SS18: variants seen among roughly 807,000 people sequenced by gnomAD.
SS18 encodes the protein protein SSXT.
A neutral mutation model predicts 72.5 loss-of-function variants in SS18; 28 were observed. That is an observed-to-expected ratio of 0.39 (90% CI 0.29 to 0.53). SS18 has a LOEUF of 0.53. Ranked by LOEUF, SS18 falls within the 20% of genes least tolerant of loss-of-function variation. The probability of loss-of-function intolerance (pLI) is 0.76; values close to 1 mark genes in which losing one functional copy is unlikely to be tolerated. For synonymous variants in SS18, 172 were observed against 164.2 expected (o/e 1.05, Z -0.37); for missense variants, 518 against 535.3 (o/e 0.97, Z 0.32).
At chr18:26,033,059 C>A (rs943297385) in intron 9 of SS18, among the ~76,000 whole-genome samples, 6 of 152,096 alleles carry the variant, frequency 3.9e-5, no homozygotes, top group African/African-American at 1.2e-4. Flanking sequence ...AAAACAGAAA[C>A]TAAAAACATG....
intron 3 of SS18, among the ~76,000 whole-genome samples, chr18:26,077,784 C>T (rs2054443587): frequency 6.6e-6 from 1 of 152,060 alleles, no homozygotes; most frequent in South Asian, 2.1e-4. Context: ...ATGTCTGGGA[C>T]TTGCTGTGAA....
intron 7 of SS18, among the ~76,000 whole-genome samples, chr18:26,037,963 C>T (rs950450438): frequency 6.6e-6 from 1 of 152,026 alleles, no homozygotes; most frequent in Non-Finnish European, 1.5e-5. Context: ...AAACAAAAAA[C>T]CCTAACTAAA....
chr18:26,060,201 A>G (rs979926286), intron 3 of SS18, among the ~76,000 whole-genome samples: 1 of 152,272 alleles, frequency 6.6e-6, no homozygotes, highest in African/African-American at 2.4e-5. Flanking sequence ...ATACAACGGA[A>G]TATTATTCAG....
intron 10 of SS18, chr18:26,023,736 T>TATGCC: frequency 2.3e-6 from 1 of 443,594 alleles, no homozygotes; most frequent in South Asian, 2.2e-5. Flanking sequence ...TCAAGAAATG[T>TATGCC]TAACATCCTT....
At chr18:26,061,893 T>C (rs1406535263) in intron 3 of SS18, among the ~76,000 whole-genome samples, 2 of 151,988 alleles carry the variant, frequency 1.3e-5, no homozygotes, top group Non-Finnish European at 2.9e-5. Flanking sequence ...ATATTAACAT[T>C]TAAAATAACA....
At chr18:26,059,522 C>G (rs1204236860) in intron 3 of SS18, among the ~76,000 whole-genome samples, 1 of 152,204 alleles carries the variant, frequency 6.6e-6, no homozygotes, top group East Asian at 1.9e-4. Context: ...CCAGCTGCTG[C>G]TCACTGATAT....
intron 1 of SS18, 42 bp downstream of exon 1, chr18:26,090,459 A>C (rs1311441791): frequency 1.2e-5 from 19 of 1,542,770 alleles, no homozygotes; most frequent in Non-Finnish European, 1.7e-5. Flanking sequence ...TCTCTCCCAG[A>C]GGCGGTAAGG....
chr18:26,090,538 C>T lies in SS18; in HGVS notation c.32G>A (p.Arg11Gln), dbSNP rs1002848570. The part of the protein sequence containing the change: MSVAFAAPRQ[R>Q]GKGEITPAAI... ...AGCGGGAGTGATCTCCCCCTTGCCTCGCTGCCTCGGGGCCGCGAAAGCCAC... is the reference window on the plus strand; with the variant it reads ...AGCGGGAGTGATCTCCCCCTTGCCTTGCTGCCTCGGGGCCGCGAAAGCCAC... Residue 11 changes from arginine to glutamine, a missense_variant, in exon 1 of 11, where the codon CGA becomes CAA. Transcript: ENST00000415083. The T allele has an allele frequency of 1.3e-6, 2 of 1,588,830 alleles. No individual in the cohort carries two copies.
chr18:26,050,769 C>G (rs1018166499), intron 5 of SS18, among the ~76,000 whole-genome samples: 1 of 151,776 alleles, frequency 6.6e-6, no homozygotes, highest in Non-Finnish European at 1.5e-5. Flanking sequence ...ATTAGCCGGG[C>G]GTAGTGGTGG....
intron 7 of SS18, among the ~76,000 whole-genome samples, chr18:26,037,496 T>C (rs1237788731): frequency 6.6e-6 from 1 of 152,108 alleles, no homozygotes; most frequent in Non-Finnish European, 1.5e-5. Context: ...CATGTTTACA[T>C]ATGAAAAGAA....
At chr18:26,048,521 C>G (rs9953661) in intron 5 of SS18, among the ~76,000 whole-genome samples, 29,341 of 152,080 alleles carry the variant, frequency 0.19, 5,825 homozygotes, top group African/African-American at 0.5. Context: ...ACCTCCTTTT[C>G]GTCTATCTCT....
chr18:26,088,386 T>G (rs1242933398), intron 1 of SS18, among the ~76,000 whole-genome samples: 2 of 152,170 alleles, frequency 1.3e-5, no homozygotes, highest in Non-Finnish European at 2.9e-5. Flanking sequence ...AGTTTCCAAG[T>G]TTTATAACAG....
chr18:26,052,558 A>G (rs368774651), intron 5 of SS18, 66 bp downstream of exon 5: 2 of 1,299,926 alleles, frequency 1.5e-6, no homozygotes, highest in Admixed American at 1.7e-5. Context: ...GAACCTGACA[A>G]CAATCATTTT....
At chr18:26,059,515 G>A (rs2054082436) in intron 3 of SS18, among the ~76,000 whole-genome samples, 2 of 152,194 alleles carry the variant, frequency 1.3e-5, no homozygotes, top group South Asian at 4.1e-4. Context: ...AGAGATTCCA[G>A]CTGCTGCTCA....
At position 26,035,912 on chromosome 18, in the gene SS18, A is replaced by C. The variant is rs539197438; in HGVS notation, c.892T>G (p.Tyr298Asp). The change falls in exon 8 of 11, where the codon TAC becomes GAC. Residue 298 changes from tyrosine (Y) to aspartate (D), a missense_variant. By Grantham distance (160) the Tyr-to-Asp change is radical. Coordinates refer to ENST00000415083, the MANE Select transcript of SS18 (RefSeq NM_001007559.3). This position sits in a 1 kb window ranked among gnomAD's most constrained non-coding sequence, Gnocchi z 4.4. ...QQYYPDGHND[Y>D]GYQQPSYPEQ... ...GGATACGACGGTTGCTGATAACCGT[A>C]ATCATTATGACCTACATCAATTCGA... 40 of 1,597,220 alleles carry C rather than the reference A, an allele frequency of 2.5e-5. No individual in the cohort carries two copies. The highest frequency in any genetic ancestry group is 3.2e-5 in the Non-Finnish European group (37 of 1,169,526).
intron 4 of SS18, among the ~76,000 whole-genome samples, chr18:26,053,691 G>C (rs2053963403): frequency 6.6e-6 from 1 of 151,976 alleles, no homozygotes; most frequent in Non-Finnish European, 1.5e-5. Flanking sequence ...ACTACAAAAA[G>C]GTTCATCAAC....
At chr18:26,049,047 A>G (rs1401294994) in intron 5 of SS18, among the ~76,000 whole-genome samples, 6 of 152,228 alleles carry the variant, frequency 3.9e-5, no homozygotes, top group Non-Finnish European at 1.5e-5. Context: ...AGACATATCC[A>G]AATCTGAAGA....
chr18:26,090,754 C>T, upstream of SS18: 1 of 631,058 alleles, frequency 1.6e-6, no homozygotes, highest in Non-Finnish European at 2.8e-6. Context: ...TGTCTCGCTT[C>T]TGCGCACTCT....
rs763528676 is a variant in SS18, at chr18:26,032,511, C to A, written c.1118G>T (p.Gly373Val). ...QGYGPSQGGP[G>V]PQYPNYPQGQ... ...CTGTGGGTAGTTAGGATACTGAGGACCTGGACCACCCTGTGAAGGACCTGA... is the reference window on the plus strand; with the variant it reads ...CTGTGGGTAGTTAGGATACTGAGGAACTGGACCACCCTGTGAAGGACCTGA... Residue 373 changes from glycine (G) to valine (V), a missense_variant, in exon 10 of 11, where the codon GGT becomes GTT. Coordinates refer to ENST00000415083, the MANE Select transcript of SS18 (RefSeq NM_001007559.3). 14 of 1,613,512 alleles carry A rather than the reference C, an allele frequency of 8.7e-6. No homozygotes were observed. The highest frequency in any genetic ancestry group is 1.2e-5 in the Non-Finnish European group (14 of 1,179,782).
Sources: allele counts gnomAD v4.1 joint callset (sites outside exome capture counted in the v4.1 genomes callset), GRCh38; gene constraint gnomAD v4.1.1; non-coding constraint Gnocchi (gnomAD v3.1); transcripts MANE v1.5; gene names NCBI Gene and HGNC (gene_info 2026-07-23, HGNC 2026-07-21).